MFHAS1: variants seen among roughly 807,000 people sequenced by gnomAD.
The protein encoded by MFHAS1 is malignant fibrous histiocytoma-amplified sequence 1.
A neutral mutation model predicts 70.4 loss-of-function variants in MFHAS1; 50 were observed. That is an observed-to-expected ratio of 0.71 (90% CI 0.57 to 0.90). The LOEUF (loss-of-function observed/expected upper bound fraction) is 0.90. MFHAS1 is among the 40% of genes least tolerant of loss of function. The pLI is 0.00. For synonymous variants in MFHAS1, 952 were observed against 620.0 expected, an observed-to-expected ratio of 1.54 and a Z score of -7.96; for missense variants, 1,795 against 1,347.6, an observed-to-expected ratio of 1.33 and a Z score of -5.20.
At chr8:8,858,489 C>T (rs980315643) in intron 1 of MFHAS1, among the ~76,000 whole-genome samples, 2 of 152,038 alleles carry the variant, frequency 1.3e-5, no homozygotes, top group African/African-American at 2.4e-5. Context: ...TTACTAAGAC[C>T]TAGAGCAACA....
chr8:8,869,446 G>T (rs1808985643), intron 1 of MFHAS1, among the ~76,000 whole-genome samples: 2 of 152,096 alleles, frequency 1.3e-5, no homozygotes, highest in Admixed American at 6.5e-5. Context: ...TTTTAAAGCG[G>T]TGACAGGTTA....
At chr8:8,833,490 G>C (rs4840368) in intron 1 of MFHAS1, among the ~76,000 whole-genome samples, 1 of 151,798 alleles carries the variant, frequency 6.6e-6, no homozygotes, top group African/African-American at 2.4e-5. Flanking sequence ...TTAGCCAGGC[G>C]TGGTGGTACA....
At chr8:8,812,381 G>C (rs964190236) in intron 1 of MFHAS1, among the ~76,000 whole-genome samples, 1 of 152,164 alleles carries the variant, frequency 6.6e-6, no homozygotes, top group Non-Finnish European at 1.5e-5. Context: ...TGGGTCCCAG[G>C]GTGGTGGGCA....
In MFHAS1 at chr8:8,783,997, T is replaced by C. The variant is rs970231036; in HGVS notation, c.*2025A>G. 47 of 152,200 alleles carry C rather than the reference T, an allele frequency of 3.1e-4. No homozygotes were observed. Among genetic ancestry groups the C allele is most frequent in the African/African-American group, 1.1e-3 (45 of 41,446 alleles). 9.4% of individuals were successfully genotyped at this position (152,200 alleles called of 1,614,324 possible). On this transcript the variant is annotated 3_prime_UTR_variant, in exon 3 of 3. Transcript: ENST00000276282. ...CTTCTCTAGGGTTCAGATGACAGCA[T>C]AAAACATCACTGGTCAAAAATATTA...
At chr8:8,808,232 T>A (rs1217597643) in intron 1 of MFHAS1, among the ~76,000 whole-genome samples, 1 of 150,018 alleles carries the variant, frequency 6.7e-6, no homozygotes, top group African/African-American at 2.5e-5. Context: ...CTGGGAACCC[T>A]CCTCTGCCCA....
intron 1 of MFHAS1, among the ~76,000 whole-genome samples, chr8:8,868,333 A>G (rs1808939927): frequency 6.6e-6 from 1 of 151,110 alleles, no homozygotes; most frequent in South Asian, 2.1e-4. Flanking sequence ...AGACAAACTA[A>G]GTTAATGATT....
At chr8:8,805,819 T>C (rs543087834) in intron 1 of MFHAS1, among the ~76,000 whole-genome samples, 2 of 152,156 alleles carry the variant, frequency 1.3e-5, no homozygotes, top group Non-Finnish European at 2.9e-5. Flanking sequence ...TGCCTCAGAC[T>C]CCCAAATAGC....
chr8:8,814,272 A>G (rs553288736), intron 1 of MFHAS1, among the ~76,000 whole-genome samples: 2 of 152,230 alleles, frequency 1.3e-5, no homozygotes, highest in Admixed American at 1.3e-4. Flanking sequence ...TTTTGATTGT[A>G]CCTTTTCTAA....
At chr8:8,796,678 C>T (rs1451176756) in intron 2 of MFHAS1, among the ~76,000 whole-genome samples, 1 of 14,186 alleles carries the variant, frequency 7.0e-5, no homozygotes, top group Non-Finnish European at 1.3e-4. Context: ...AGCAAGACTC[C>T]GTCTCAAAAC....
In MFHAS1 at chr8:8,892,146, G is replaced by A. The variant is rs757239033; in HGVS notation, c.913C>T (p.Arg305Cys). The change falls in exon 1 of 3, where the codon CGC (arginine) becomes TGC (cysteine). Residue 305 changes from arginine to cysteine, a missense_variant. Physicochemically the swap from Arg to Cys is radical, Grantham distance 180. Transcript: ENST00000276282. This position sits in a 1 kb window ranked among gnomAD's most constrained non-coding sequence, Gnocchi z 4.7. ...LAGLEELYLS[R>C]NQLTSVPSLI... Reference sequence around the variant, plus strand: ...GATGGCACCGAGGTGAGCTGGTTGCGACTAAGGTAGAGCTCCTCCAGACCA... The same window carrying A: ...GATGGCACCGAGGTGAGCTGGTTGCAACTAAGGTAGAGCTCCTCCAGACCA... 2.5e-6 allele frequency: 4 copies of A among 1,611,400 alleles called. No homozygotes were observed. The highest frequency in any genetic ancestry group is 3.3e-5 in the Admixed American group (2 of 60,022).
intron 1 of MFHAS1, among the ~76,000 whole-genome samples, chr8:8,875,567 G>A (rs1397591069): frequency 6.6e-6 from 1 of 152,092 alleles, no homozygotes; most frequent in Non-Finnish European, 1.5e-5. Context: ...CCCACCATGA[G>A]AAACTTTTTT....
chr8:8,841,241 G>A (rs1263599801), intron 1 of MFHAS1, among the ~76,000 whole-genome samples: 3 of 152,226 alleles, frequency 2.0e-5, no homozygotes, highest in East Asian at 3.9e-4. Flanking sequence ...TTGGGAGGCC[G>A]AGGCAGGCGG....
At chr8:8,842,288 C>T (rs577055632) in intron 1 of MFHAS1, among the ~76,000 whole-genome samples, 2 of 152,166 alleles carry the variant, frequency 1.3e-5, no homozygotes, top group African/African-American at 4.8e-5. Context: ...CAGGTTCAAG[C>T]GATTCTCCTG....
At chr8:8,882,777 T>A in intron 1 of MFHAS1, among the ~76,000 whole-genome samples, 1 of 152,080 alleles carries the variant, frequency 6.6e-6, no homozygotes, top group African/African-American at 2.4e-5. Flanking sequence ...TCCTAATCCC[T>A]CCCTGCTGAA....
At chr8:8,848,094 G>A (rs1455832851) in intron 1 of MFHAS1, among the ~76,000 whole-genome samples, 4 of 152,176 alleles carry the variant, frequency 2.6e-5, no homozygotes, top group Admixed American at 2.0e-4. Context: ...ACAATCATCT[G>A]GGACGGCTGC....
intron 1 of MFHAS1, among the ~76,000 whole-genome samples, chr8:8,868,205 G>C (rs534108716): frequency 3.9e-5 from 6 of 152,016 alleles, no homozygotes; most frequent in Non-Finnish European, 7.4e-5. Flanking sequence ...CCTGCTTTAT[G>C]AATCTAGAAT....
At chr8:8,851,658 C>G (rs987608791) in intron 1 of MFHAS1, among the ~76,000 whole-genome samples, 1 of 152,232 alleles carries the variant, frequency 6.6e-6, no homozygotes, top group Non-Finnish European at 1.5e-5. Context: ...AAACTCTATT[C>G]TTTCATATTA....
chr8:8,837,634 C>A (rs1276894900), intron 1 of MFHAS1, among the ~76,000 whole-genome samples: 1 of 151,610 alleles, frequency 6.6e-6, no homozygotes, highest in African/African-American at 2.4e-5. Flanking sequence ...CAGAGTGAGA[C>A]CCCATCTCAA....
At chr8:8,853,769 T>TC (rs1808330888) in intron 1 of MFHAS1, among the ~76,000 whole-genome samples, 2 of 152,282 alleles carry the variant, frequency 1.3e-5, no homozygotes, top group Admixed American at 6.5e-5. Flanking sequence ...TTTCACTATG[T>TC]TGGGCAGGCT....
Sources: allele counts gnomAD v4.1 joint callset (sites outside exome capture counted in the v4.1 genomes callset), GRCh38; gene constraint gnomAD v4.1.1; non-coding constraint Gnocchi (gnomAD v3.1); transcripts MANE v1.5; gene names NCBI Gene and HGNC (gene_info 2026-07-23, HGNC 2026-07-21).